SLC9A9: variants seen among roughly 807,000 people sequenced by gnomAD.
SLC9A9 encodes sodium/hydrogen exchanger 9.
SLC9A9 carries 62 observed loss-of-function variants against 77.8 expected under a neutral mutation model. The observed-to-expected ratio is 0.80, with a 90% CI of 0.65 to 0.98. SLC9A9 has a LOEUF of 0.98. SLC9A9 is among the 50% of genes least tolerant of loss of function. The pLI is 0.00. For synonymous variants in SLC9A9, 320 were observed against 283.5 expected (o/e 1.13, Z -1.29); for missense variants, 775 against 774.9 (o/e 1.00, Z 0.00).
chr3:143,351,232 A>C (rs1255598136), intron 14 of SLC9A9, among the ~76,000 whole-genome samples: 1 of 152,210 alleles, frequency 6.6e-6, no homozygotes, highest in African/African-American at 2.4e-5. Context: ...CTAGTCTACT[A>C]TTTATTAAGA....
chr3:143,543,398 A>G (rs1259241329), intron 9 of SLC9A9, among the ~76,000 whole-genome samples: 2 of 138,486 alleles, frequency 1.4e-5, no homozygotes, highest in Non-Finnish European at 3.2e-5. Flanking sequence ...TTTTTCTTCT[A>G]TTTTTATTTT....
intron 12 of SLC9A9, among the ~76,000 whole-genome samples, chr3:143,392,058 C>T (rs1256085596): frequency 1.3e-5 from 2 of 152,208 alleles, no homozygotes; most frequent in East Asian, 3.9e-4. Flanking sequence ...CTTCCCCAAT[C>T]TAGCAAGGCA....
At chr3:143,316,064 C>T (rs1268239913) in intron 14 of SLC9A9, among the ~76,000 whole-genome samples, 2 of 152,202 alleles carry the variant, frequency 1.3e-5, no homozygotes, top group African/African-American at 4.8e-5. Flanking sequence ...TTATAGTTGG[C>T]TGACGCAGCC....
chr3:143,512,659 C>T (rs367734319), intron 9 of SLC9A9, among the ~76,000 whole-genome samples: 9 of 152,160 alleles, frequency 5.9e-5, no homozygotes, highest in African/African-American at 2.2e-4. Context: ...GGGTGGATCA[C>T]GAGGTCAGGA....
At chr3:143,833,949 T>A (rs2009502665) in intron 1 of SLC9A9, among the ~76,000 whole-genome samples, 2 of 152,088 alleles carry the variant, frequency 1.3e-5, no homozygotes, top group African/African-American at 4.8e-5. Context: ...AGAAAGAGGC[T>A]CCTCTCTCAT....
intron 15 of SLC9A9, among the ~76,000 whole-genome samples, chr3:143,267,596 A>G (rs7653038): frequency 0.37 from 56,562 of 151,894 alleles, 13,126 homozygotes; most frequent in African/African-American, 0.66. Context: ...CAAGTGATCC[A>G]TTCACTTTGG....
chr3:143,774,029 A>G (rs111628127), intron 4 of SLC9A9, among the ~76,000 whole-genome samples: 3,250 of 152,342 alleles, frequency 0.021, 95 homozygotes, highest in African/African-American at 0.069. Context: ...AGATGTGTTT[A>G]TTTAACATCA....
chr3:143,825,774 A>G (rs893098307), intron 2 of SLC9A9, among the ~76,000 whole-genome samples: 5 of 152,204 alleles, frequency 3.3e-5, no homozygotes, highest in African/African-American at 1.2e-4. Context: ...CAGTCAACTT[A>G]TCTATGAGTG....
rs368227474 is a variant in SLC9A9, at chr3:143,777,713, A to G, written c.533+17288T>C. On this transcript the variant is annotated intron_variant, in intron 4 of 15. Coordinates refer to ENST00000316549, the MANE Select transcript of SLC9A9 (RefSeq NM_173653.4). ...TATTACTTCCAAACTATTGTCACTG[A>G]TACTTTTTTTTTTTTTTTTGAGGCA... Among the ~76,000 whole-genome samples, 501 of 108,786 alleles carry G rather than the reference A, an allele frequency of 4.6e-3. 3 individuals are homozygous for G. Among genetic ancestry groups the G allele is most frequent in the Middle Eastern group, 0.032 (7 of 216 alleles). The allele number at this position is 108,786 out of a possible 152,430, so 71.4% of individuals were successfully genotyped here.
At chr3:143,544,205 T>C (rs1312847431) in intron 9 of SLC9A9, among the ~76,000 whole-genome samples, 1 of 152,174 alleles carries the variant, frequency 6.6e-6, no homozygotes, top group African/African-American at 2.4e-5. Flanking sequence ...TTTGGTCCTT[T>C]GTCCAATTTT....
chr3:143,368,932 G>A (rs1028596985), intron 13 of SLC9A9, among the ~76,000 whole-genome samples: 10 of 152,128 alleles, frequency 6.6e-5, no homozygotes, highest in African/African-American at 2.4e-4. Context: ...CTTAGCCTCT[G>A]CATAGAAAGC....
intron 12 of SLC9A9, among the ~76,000 whole-genome samples, chr3:143,429,037 G>T (rs1353635551): frequency 6.6e-6 from 1 of 152,158 alleles, no homozygotes; most frequent in East Asian, 1.9e-4. Flanking sequence ...TACATTTCAT[G>T]ATAACTAGAA....
At chr3:143,799,209 C>A (rs2008479048) in intron 2 of SLC9A9, among the ~76,000 whole-genome samples, 1 of 152,146 alleles carries the variant, frequency 6.6e-6, no homozygotes, top group Admixed American at 6.5e-5. Flanking sequence ...AGTCCATGGC[C>A]CATTTGGCAA....
chr3:143,624,946 T>G (rs375827651), intron 6 of SLC9A9, among the ~76,000 whole-genome samples: 1 of 151,954 alleles, frequency 6.6e-6, no homozygotes. Flanking sequence ...GTGCAAAAAT[T>G]ACAAGCATTC....
chr3:143,490,893 T>C (rs1270703170), intron 11 of SLC9A9, among the ~76,000 whole-genome samples: 2 of 152,174 alleles, frequency 1.3e-5, no homozygotes, highest in African/African-American at 2.4e-5. Context: ...AAAAATCCAA[T>C]GTTCTTTCCA....
At chr3:143,353,161 T>C (rs900402526) in intron 14 of SLC9A9, among the ~76,000 whole-genome samples, 1 of 152,212 alleles carries the variant, frequency 6.6e-6, no homozygotes, top group African/African-American at 2.4e-5. Flanking sequence ...AGATTCCTAC[T>C]CTTTTATCAC....
chr3:143,416,731 C>T (rs931310403), intron 12 of SLC9A9, among the ~76,000 whole-genome samples: 5 of 152,130 alleles, frequency 3.3e-5, no homozygotes, highest in African/African-American at 9.7e-5. Flanking sequence ...TGGAACTGAA[C>T]CCACAATATC....
rs1393571793 is a variant in SLC9A9 at position 143,467,065 on chromosome 3, T to G, written c.1441A>C (p.Thr481Pro). ...ATCTGAAGCCAAGTCAACATGGGGG[T>G]TGTTCCTCCTCCAAATACCCAGACA... The part of the protein sequence containing the change: ...FTVWVFGGGT[T>P]PMLTWLQIRV... The change falls in exon 12 of 16, where the codon ACC becomes CCC. Residue 481 changes from threonine (T) to proline (P), a missense_variant. By Grantham distance (38) the Thr-to-Pro change is conservative (BLOSUM62 -1). Transcript: ENST00000316549. 6.2e-7 allele frequency: 1 copy of G among 1,613,786 alleles called. No individual in the cohort carries two copies. Among genetic ancestry groups the G allele is most frequent in the Admixed American group, 1.7e-5 (1 of 59,976 alleles).
intron 4 of SLC9A9, among the ~76,000 whole-genome samples, chr3:143,728,568 G>A (rs1293619582): frequency 6.6e-6 from 1 of 152,098 alleles, no homozygotes; most frequent in Non-Finnish European, 1.5e-5. Flanking sequence ...GCAAGAGAAG[G>A]CATGGAATTT....
Sources: allele counts gnomAD v4.1 joint callset (sites outside exome capture counted in the v4.1 genomes callset), GRCh38; gene constraint gnomAD v4.1.1; transcripts MANE v1.5; gene names NCBI Gene and HGNC (gene_info 2026-07-23, HGNC 2026-07-21).